The following NHSL3 variants were observed in gnomAD, a reference collection of about 807,000 sequenced individuals.
NHSL3 encodes the protein NHS-like protein 3.
At chr1:32,764,863 C>T in the NHSL3 span, among the ~76,000 whole-genome samples, 6 of 152,216 alleles carry the variant, frequency 3.9e-5, no homozygotes, top group African/African-American at 9.6e-5. Context: ...TTTTCCAGTA[C>T]TTCTCCACCT....
chr1:32,764,426 CAT>C, the NHSL3 span, among the ~76,000 whole-genome samples: 2 of 152,050 alleles, frequency 1.3e-5, no homozygotes, highest in East Asian at 1.9e-4. Flanking sequence ...TAGGTTAACA[CAT>C]GTTTGCTGAT....
the NHSL3 span, among the ~76,000 whole-genome samples, chr1:32,764,014 C>A: frequency 3.3e-5 from 5 of 152,158 alleles, no homozygotes; most frequent in Admixed American, 3.3e-4. Flanking sequence ...TGTGAGTCAC[C>A]ACGCCTGGGT....
At chr1:32,749,167 C>T in the NHSL3 span, among the ~76,000 whole-genome samples, 634 of 152,134 alleles carry the variant, frequency 4.2e-3, 6 homozygotes, top group African/African-American at 0.014. Flanking sequence ...AGGGAGGTGG[C>T]GCTTGAGCTG....
the NHSL3 span, chr1:32,742,181 A>G: frequency 8.0e-7 from 1 of 1,247,960 alleles, no homozygotes. Context: ...GCCAAGGGCA[A>G]AGGCCGAGGT....
At chr1:32,741,969 G>C in the NHSL3 span, 1 of 1,119,148 alleles carries the variant, frequency 8.9e-7, no homozygotes, top group Non-Finnish European at 1.1e-6. The surrounding 1 kb of genome is among the most constrained non-coding windows in gnomAD (Gnocchi z 4.3). Context: ...CGGCCCGCGC[G>C]CCCCCCGCCG....
chr1:32,771,544 C>T, the NHSL3 span: 9 of 1,605,248 alleles, frequency 5.6e-6, no homozygotes, highest in Non-Finnish European at 7.7e-6. Flanking sequence ...TGACTTCCCC[C>T]CACCAGAGGA....
the NHSL3 span, among the ~76,000 whole-genome samples, chr1:32,758,610 A>G: frequency 6.6e-6 from 1 of 152,076 alleles, no homozygotes; most frequent in East Asian, 1.9e-4. Context: ...CTCTGATCCC[A>G]GGGATCTGAG....
the NHSL3 span, among the ~76,000 whole-genome samples, chr1:32,760,340 G>T: frequency 2.6e-5 from 4 of 152,214 alleles, no homozygotes; most frequent in Admixed American, 2.6e-4. Context: ...GCAGGTTGAG[G>T]CCTCACCCCA....
chr1:32,762,319 G>A, the NHSL3 span, among the ~76,000 whole-genome samples: 3 of 152,118 alleles, frequency 2.0e-5, no homozygotes, highest in South Asian at 4.1e-4. Flanking sequence ...AAGATGCTAT[G>A]ACAGAGAGGT....
the NHSL3 span, among the ~76,000 whole-genome samples, chr1:32,764,471 CT>C: frequency 4.2e-3 from 594 of 142,166 alleles, no homozygotes; most frequent in South Asian, 5.4e-3. Context: ...TTGTTTTTTT[CT>C]TTTTTTTTTT....
the NHSL3 span, chr1:32,741,985 G>C: frequency 8.5e-7 from 1 of 1,182,292 alleles, no homozygotes; most frequent in East Asian, 3.6e-5. The surrounding 1 kb of genome is among the most constrained non-coding windows in gnomAD (Gnocchi z 4.3). Context: ...CGCCGCACCT[G>C]CGGCCGAGGA....
chr1:32,760,225 A>G, the NHSL3 span, among the ~76,000 whole-genome samples: 1 of 152,144 alleles, frequency 6.6e-6, no homozygotes, highest in South Asian at 2.1e-4. Context: ...CCTCCTGAGC[A>G]AGGCCACCTG....
At chr1:32,768,078 C>G in the NHSL3 span, 7 of 1,614,052 alleles carry the variant, frequency 4.3e-6, no homozygotes, top group Non-Finnish European at 4.2e-6. Context: ...AGAAACTGAA[C>G]AAGGGTGGCT....
chr1:32,742,210 G>A, the NHSL3 span: 1 of 1,245,562 alleles, frequency 8.0e-7, no homozygotes, highest in Non-Finnish European at 1.0e-6. Flanking sequence ...CGGCACCTGG[G>A]CTGAGCGCGG....
the NHSL3 span, chr1:32,772,416 G>A: frequency 2.6e-6 from 4 of 1,531,258 alleles, no homozygotes; most frequent in South Asian, 2.6e-5. Context: ...TGGGCCCAGA[G>A]GAGAAGATGG....
At chr1:32,765,802 G>T in the NHSL3 span, 261,941 of 1,546,624 alleles carry the variant, frequency 0.17, 23,690 homozygotes, top group South Asian at 0.24. Flanking sequence ...GCCTCCCGGC[G>T]CTCCTAGGGC....
the NHSL3 span, among the ~76,000 whole-genome samples, chr1:32,761,257 C>T: frequency 6.6e-6 from 1 of 152,150 alleles, no homozygotes; most frequent in Non-Finnish European, 1.5e-5. Flanking sequence ...GTACCCCTCC[C>T]AGTCACCTGA....
chr1:32,765,903 A>C, the NHSL3 span: 1 of 1,395,364 alleles, frequency 7.2e-7, no homozygotes, highest in Non-Finnish European at 9.8e-7. Flanking sequence ...TAGAATGAGG[A>C]ATCAAGGCTG....
chr1:32,745,982 G>A, the NHSL3 span, among the ~76,000 whole-genome samples: 3 of 152,108 alleles, frequency 2.0e-5, no homozygotes, highest in African/African-American at 7.2e-5. Context: ...TGTAATCCCA[G>A]CACTTTGGGA....
Sources: gnomAD v4.1 joint callset for allele counts (sites outside exome capture counted in the v4.1 genomes callset) on GRCh38, gnomAD v4.1.1 for gene constraint, Gnocchi (gnomAD v3.1) non-coding constraint, MANE v1.5 for transcripts, NCBI Gene and HGNC (gene_info 2026-07-23, HGNC 2026-07-21) for gene names.